The following CNTNAP2 variants were observed in gnomAD, a reference collection of about 807,000 sequenced individuals.
CNTNAP2 encodes contactin associated protein 2, also known as contactin-associated protein-like 2.
In CNTNAP2, 98 loss-of-function variants were observed where a neutral mutation model predicts 155.2. The observed-to-expected ratio is 0.63, with a 90% CI of 0.54 to 0.75. The LOEUF (loss-of-function observed/expected upper bound fraction) is 0.75. CNTNAP2 is among the 30% of genes least tolerant of loss of function. The pLI is 0.00. For synonymous variants in CNTNAP2, 651 were observed against 631.2 expected, an observed-to-expected ratio of 1.03 and a Z score of -0.47; for missense variants, 1,727 against 1,688.1, an observed-to-expected ratio of 1.02 and a Z score of -0.40.
At chr7:146,149,808 TAGA>T (rs1389922648) in intron 1 of CNTNAP2, among the ~76,000 whole-genome samples, 1 of 138,898 alleles carries the variant, frequency 7.2e-6, no homozygotes, top group African/African-American at 2.7e-5. Context: ...GAAGAAAATA[TAGA>T]AGAATATTTC....
intron 1 of CNTNAP2, among the ~76,000 whole-genome samples, chr7:146,366,963 A>C (rs1046456156): frequency 6.6e-6 from 1 of 152,146 alleles, no homozygotes; most frequent in East Asian, 1.9e-4. Context: ...AGTTTTCTCA[A>C]TCATATCTTT....
At chr7:147,693,398 T>A (rs566188762) in intron 13 of CNTNAP2, among the ~76,000 whole-genome samples, 20 of 152,190 alleles carry the variant, frequency 1.3e-4, no homozygotes, top group Admixed American at 9.8e-4. Flanking sequence ...CAGATTTTAA[T>A]TGGGATTGCA....
chr7:146,537,530 A>AT (rs1797887444), intron 1 of CNTNAP2, among the ~76,000 whole-genome samples: 1 of 152,132 alleles, frequency 6.6e-6, no homozygotes, highest in South Asian at 2.1e-4. Flanking sequence ...TTAGTAAAAT[A>AT]TGTCACGTCA....
At chr7:148,107,090 C>T (rs1804240179) in intron 15 of CNTNAP2, among the ~76,000 whole-genome samples, 1 of 152,198 alleles carries the variant, frequency 6.6e-6, no homozygotes, top group South Asian at 2.1e-4. Flanking sequence ...TCCCACCCTC[C>T]AAACATGTGA....
At position 146,954,189 on chromosome 7, in the gene CNTNAP2, C is replaced by T. The variant is rs1352175999; in HGVS notation, c.403-89718C>T. On this transcript the variant is annotated intron_variant, in intron 3 of 23. Transcript: ENST00000361727. ...TCGTGTTAACTTATAATCTCTCACG[C>T]AATGGTTTCTCCTAGTGTTTAATAA... 5.3e-5 allele frequency among the ~76,000 whole-genome samples: 8 copies of T among 152,042 alleles called. No individual in the cohort carries two copies. The East Asian group carries it at 1.2e-3, about 22-fold the overall frequency.
chr7:146,999,569 G>T (rs1798383180), intron 3 of CNTNAP2, among the ~76,000 whole-genome samples: 3 of 151,902 alleles, frequency 2.0e-5, no homozygotes, highest in Non-Finnish European at 4.4e-5. Context: ...AGCATTCTTT[G>T]TAAGGTGGTG....
chr7:147,949,118 T>C (rs1800875046), intron 14 of CNTNAP2, among the ~76,000 whole-genome samples: 1 of 151,584 alleles, frequency 6.6e-6, no homozygotes, highest in Admixed American at 6.6e-5. Context: ...GGAGAATCGC[T>C]TGAACCCAAG....
chr7:147,153,697 A>T (rs1245542467), intron 8 of CNTNAP2, among the ~76,000 whole-genome samples: 1 of 152,208 alleles, frequency 6.6e-6, no homozygotes, highest in Non-Finnish European at 1.5e-5. Context: ...AAGGCTGAGC[A>T]CACAAAAGTC....
chr7:146,884,043 T>C (rs1795606558), intron 3 of CNTNAP2, among the ~76,000 whole-genome samples: 1 of 152,162 alleles, frequency 6.6e-6, no homozygotes, highest in Non-Finnish European at 1.5e-5. Flanking sequence ...ATCTGATTTC[T>C]AACTATTATT....
chr7:146,782,863 G>A (rs962801505), intron 2 of CNTNAP2, among the ~76,000 whole-genome samples: 1 of 152,132 alleles, frequency 6.6e-6, no homozygotes, highest in Non-Finnish European at 1.5e-5. Flanking sequence ...ATTTTAAAAC[G>A]AGGATTGAAT....
At chr7:147,453,667 G>T (rs1186973801) in intron 10 of CNTNAP2, among the ~76,000 whole-genome samples, 1 of 152,110 alleles carries the variant, frequency 6.6e-6, no homozygotes, top group African/African-American at 2.4e-5. Context: ...TAATTCTTTT[G>T]TTTTCACTGA....
At chr7:147,802,592 A>C (rs931255023) in intron 13 of CNTNAP2, among the ~76,000 whole-genome samples, 3 of 152,164 alleles carry the variant, frequency 2.0e-5, no homozygotes, top group African/African-American at 7.2e-5. Flanking sequence ...CGGCCAACAC[A>C]GCGAAACCCC....
chr7:146,331,398 G>C (rs1295149992), intron 1 of CNTNAP2, among the ~76,000 whole-genome samples: 1 of 151,968 alleles, frequency 6.6e-6, no homozygotes, highest in Non-Finnish European at 1.5e-5. Context: ...ATTTCTGGCT[G>C]TCTCAGTTAT....
intron 21 of CNTNAP2, among the ~76,000 whole-genome samples, chr7:148,355,166 CTTTTTTTTTTT>C (rs1167992306): frequency 0.013 from 531 of 40,964 alleles, 4 homozygotes; most frequent in Non-Finnish European, 0.018. Context: ...CCGCCAGCTG[CTTTTTTTTTTT>C]TTTTTTTTTT....
intron 21 of CNTNAP2, among the ~76,000 whole-genome samples, chr7:148,345,640 C>T (rs1308507336): frequency 6.6e-6 from 1 of 152,174 alleles, no homozygotes; most frequent in Non-Finnish European, 1.5e-5. Flanking sequence ...ATCTCGGCCT[C>T]CCAAAGTGCT....
At chr7:147,080,173 T>C (rs953503542) in intron 4 of CNTNAP2, among the ~76,000 whole-genome samples, 1 of 152,152 alleles carries the variant, frequency 6.6e-6, no homozygotes, top group Non-Finnish European at 1.5e-5. Context: ...ACTTGATCCT[T>C]TGGATTTGTG....
intron 1 of CNTNAP2, among the ~76,000 whole-genome samples, chr7:146,538,392 C>T (rs1400349096): frequency 2.0e-5 from 3 of 152,166 alleles, no homozygotes; most frequent in African/African-American, 4.8e-5. Flanking sequence ...GACTTGTGCT[C>T]ATGTTTACCA....
At position 147,539,071 on chromosome 7, in the gene CNTNAP2, A is replaced by C. The variant is rs534410052; in HGVS notation, c.1778-23067A>C. 2.2e-4 allele frequency among the ~76,000 whole-genome samples: 34 copies of C among 152,272 alleles called. 1 individual carries two copies. The highest frequency in any genetic ancestry group is 1.9e-3 in the Admixed American group (29 of 15,298). ...ACAGTTCTGATTTTAGAATGTTCAT[A>C]AGTTAGGTCTGAATTAATAAGCCAA... On this transcript the variant is annotated intron_variant, in intron 11 of 23. Coordinates refer to ENST00000361727, the MANE Select transcript of CNTNAP2 (RefSeq NM_014141.6).
At chr7:146,247,515 GA>G (rs982123191) in intron 1 of CNTNAP2, among the ~76,000 whole-genome samples, 1 of 152,180 alleles carries the variant, frequency 6.6e-6, no homozygotes, top group South Asian at 2.1e-4. Context: ...AGGTGGGAGG[GA>G]AAGAAGGAAG....
Sources: allele counts gnomAD v4.1 joint callset (sites outside exome capture counted in the v4.1 genomes callset), GRCh38; gene constraint gnomAD v4.1.1; transcripts MANE v1.5; gene names NCBI Gene and HGNC (gene_info 2026-07-23, HGNC 2026-07-21).